Variants in ADAMTS20 observed in about 807,000 individuals in gnomAD.
ADAMTS20 encodes A disintegrin and metalloproteinase with thrombospondin motifs 20.
Under a neutral mutation model 260.1 loss-of-function variants are expected in ADAMTS20, and 225 were observed. That is an observed-to-expected ratio of 0.87 (90% CI 0.78 to 0.97). The LOEUF (loss-of-function observed/expected upper bound fraction) is 0.97. Ranked by LOEUF, ADAMTS20 falls within the 50% of genes least tolerant of loss-of-function variation. The probability of loss-of-function intolerance (pLI) is 0.00; values close to 1 mark genes in which losing one functional copy is unlikely to be tolerated. For synonymous variants in ADAMTS20, 802 were observed against 769.5 expected (o/e 1.04, Z -0.70); for missense variants, 2,400 against 2,337.7 (o/e 1.03, Z -0.55).
intron 2 of ADAMTS20, among the ~76,000 whole-genome samples, chr12:43,542,517 T>G (rs1233199983): frequency 5.8e-4 from 1 of 1,722 alleles, no homozygotes; most frequent in Non-Finnish European, 0.014. Flanking sequence ...AATCTATTGT[T>G]TTTTTTTCAT....
chr12:43,354,637 T>C (rs1939706046), intron 38 of ADAMTS20, among the ~76,000 whole-genome samples: 1 of 152,192 alleles, frequency 6.6e-6, no homozygotes, highest in Non-Finnish European at 1.5e-5. Flanking sequence ...AGTGAGTTTA[T>C]TAAAACCTCT....
At chr12:43,550,016 T>C (rs1943490783) in intron 2 of ADAMTS20, among the ~76,000 whole-genome samples, 1 of 152,256 alleles carries the variant, frequency 6.6e-6, no homozygotes. Context: ...TGTAGAATCC[T>C]GTAACCAAAT....
At position 43,429,726 on chromosome 12, in the gene ADAMTS20, T is replaced by C. The variant is rs1941403706; in HGVS notation, c.3382-2A>G. ...TGAGCAAGGTGTAAGTACACAGCTCTGTTCAGAAGAAAAATGGTTCTCGTA... is the reference window on the plus strand; with the variant it reads ...TGAGCAAGGTGTAAGTACACAGCTCCGTTCAGAAGAAAAATGGTTCTCGTA... On this transcript the variant is annotated splice_acceptor_variant, in intron 23 of 38. Coordinates refer to ENST00000389420, the MANE Select transcript of ADAMTS20 (RefSeq NM_025003.5). LOFTEE classifies it high-confidence loss of function. 5 of 1,544,738 alleles carry C rather than the reference T, an allele frequency of 3.2e-6. No individual in the cohort carries two copies. The highest frequency in any genetic ancestry group is 4.4e-6 in the Non-Finnish European group (5 of 1,144,332).
intron 28 of ADAMTS20, among the ~76,000 whole-genome samples, chr12:43,404,493 T>A (rs1346072816): frequency 6.6e-6 from 1 of 152,242 alleles, no homozygotes; most frequent in South Asian, 2.1e-4. Context: ...TTGAAAAAAA[T>A]ATCTGAAGTT....
At position 43,464,650 on chromosome 12, in the gene ADAMTS20, C is replaced by T. The variant is rs1942122061; in HGVS notation, c.1450G>A (p.Asp484Asn). ...LPSELPGSRY[D>N]GNKQCELAFG... ...GCAAGCTCACACTGCTTGTTTCCAT[C>T]ATATCGTGATCCAGGAAGTTCTGAA... Residue 484 changes from aspartate to asparagine, a missense_variant, in exon 10 of 39, where the codon GAT becomes AAT. By Grantham distance (23) the Asp-to-Asn change is conservative. Coordinates refer to ENST00000389420, the MANE Select transcript of ADAMTS20 (RefSeq NM_025003.5). 2 of 1,613,334 alleles carry T rather than the reference C, an allele frequency of 1.2e-6. No individual in the cohort carries two copies. Among genetic ancestry groups the T allele is most frequent in the African/African-American group, 1.3e-5 (1 of 74,894 alleles).
chr12:43,481,993 A>G (rs1942449538), intron 7 of ADAMTS20, among the ~76,000 whole-genome samples: 1 of 152,160 alleles, frequency 6.6e-6, no homozygotes, highest in Admixed American at 6.5e-5. Flanking sequence ...TCCCACTGGG[A>G]AGCCAGGAAA....
chr12:43,519,784 AAAG>A (rs1296064017), intron 3 of ADAMTS20, among the ~76,000 whole-genome samples: 1 of 152,204 alleles, frequency 6.6e-6, no homozygotes, highest in Admixed American at 6.5e-5. Context: ...TCAATATACA[AAAG>A]AGAGAGATAA....
chr12:43,369,437 G>A (rs1324254573), intron 36 of ADAMTS20, 56 bp from the exon 37 acceptor site: 19 of 1,003,214 alleles, frequency 1.9e-5, no homozygotes, highest in Non-Finnish European at 1.9e-5. Flanking sequence ...AATCGTTGTT[G>A]TCAAACACAG....
chr12:43,486,043 A>G (rs553645428), intron 7 of ADAMTS20, among the ~76,000 whole-genome samples: 1 of 152,258 alleles, frequency 6.6e-6, no homozygotes, highest in Admixed American at 6.5e-5. Flanking sequence ...CTATCAAAAT[A>G]TCAATATCAT....
chr12:43,544,951 T>A (rs1255070358), intron 2 of ADAMTS20, among the ~76,000 whole-genome samples: 1 of 152,164 alleles, frequency 6.6e-6, no homozygotes, highest in Non-Finnish European at 1.5e-5. Flanking sequence ...GGGATATTGC[T>A]GGCCTGTACC....
intron 28 of ADAMTS20, among the ~76,000 whole-genome samples, chr12:43,419,630 G>T (rs146350513): frequency 6.6e-6 from 1 of 152,056 alleles, no homozygotes; most frequent in East Asian, 1.9e-4. Flanking sequence ...CTTTAACATG[G>T]AAACATATAG....
intron 29 of ADAMTS20, among the ~76,000 whole-genome samples, chr12:43,392,028 C>T (rs1290453969): frequency 2.0e-5 from 3 of 152,146 alleles, no homozygotes; most frequent in African/African-American, 4.8e-5. Flanking sequence ...ACATAACTTA[C>T]ACTGACCTTC....
At position 43,354,269 on chromosome 12, in the gene ADAMTS20, T is replaced by C; in HGVS notation, c.5673A>G (p.Gly1891=). ...EDGTRFFGKC[G]GYCGKCLPHM... Reference sequence around the variant, plus strand: ...GAGGAAGACACTTTCCACAGTACCCTCCACATTTGCCGAAAAATCTAGTTC... The same window carrying C: ...GAGGAAGACACTTTCCACAGTACCCCCCACATTTGCCGAAAAATCTAGTTC... Residue 1891 remains glycine (G), a synonymous_variant, in exon 39 of 39, where the codon GGA becomes GGG. Coordinates refer to ENST00000389420, the MANE Select transcript of ADAMTS20 (RefSeq NM_025003.5). 6.3e-7 allele frequency: 1 copy of C among 1,592,756 alleles called. No homozygotes were observed.
chr12:43,502,451 T>C, intron 3 of ADAMTS20, 46 bp from the exon 4 acceptor site: 1 of 1,544,268 alleles, frequency 6.5e-7, no homozygotes, highest in Non-Finnish European at 8.7e-7. Context: ...AAATTGGATG[T>C]GACGAAAAAT....
chr12:43,424,581 T>C (rs1941295073), intron 28 of ADAMTS20, among the ~76,000 whole-genome samples: 1 of 152,086 alleles, frequency 6.6e-6, no homozygotes, highest in South Asian at 2.1e-4. Flanking sequence ...AAAAAACAAG[T>C]TTTAAAGAAT....
At position 43,429,607 on chromosome 12, in the gene ADAMTS20, A is replaced by G; in HGVS notation, c.3489+10T>C. On this transcript the variant is annotated intron_variant, in intron 24 of 38. Transcript: ENST00000389420. ...TAGAAACACTGTATCTATTAAAGAA[A>G]TTCACTTACTGGGGTCCAAGAACCA... 1 of 1,566,248 alleles carries G rather than the reference A, an allele frequency of 6.4e-7. No individual in the cohort carries two copies.
chr12:43,440,001 T>A lies in ADAMTS20; in HGVS notation c.2359A>T (p.Ile787Phe). The change falls in exon 17 of 39, where the codon ATC becomes TTC. Residue 787 changes from isoleucine to phenylalanine, a missense_variant. Coordinates refer to ENST00000389420, the MANE Select transcript of ADAMTS20 (RefSeq NM_025003.5). ...NFLLSTSKKE[I>F]NVQGTRTVIE... ...ACAGTTCTTGTTCCTTGCACATTGA[T>A]TTCTTTTTTTGACGTACTTAGAAGA... 6.3e-7 allele frequency: 1 copy of A among 1,583,576 alleles called. No homozygotes were observed. The highest frequency in any genetic ancestry group is 8.6e-7 in the Non-Finnish European group (1 of 1,162,924).
intron 28 of ADAMTS20, among the ~76,000 whole-genome samples, chr12:43,401,686 A>G (rs1940812401): frequency 6.6e-6 from 1 of 151,456 alleles, no homozygotes; most frequent in Admixed American, 6.6e-5. Context: ...TAATTTAAAC[A>G]TAAATCTATT....
intron 2 of ADAMTS20, among the ~76,000 whole-genome samples, chr12:43,544,785 C>G (rs949254915): frequency 6.6e-6 from 1 of 152,176 alleles, no homozygotes; most frequent in Non-Finnish European, 1.5e-5. Flanking sequence ...TTAACAGCCA[C>G]AAGATCATTC....
Sources: gnomAD v4.1 joint callset for allele counts (sites outside exome capture counted in the v4.1 genomes callset) on GRCh38, gnomAD v4.1.1 for gene constraint, MANE v1.5 for transcripts, NCBI Gene and HGNC (gene_info 2026-07-23, HGNC 2026-07-21) for gene names.